Variants in OOSP4A observed in about 807,000 individuals in gnomAD.
OOSP4A encodes the protein oocyte secreted protein family member 4A.
intron 4 of OOSP4A, among the ~76,000 whole-genome samples, chr11:59,969,774 A>G (rs914198019): frequency 6.6e-6 from 1 of 152,192 alleles, no homozygotes; most frequent in Non-Finnish European, 1.5e-5. Context: ...GACCCTCATA[A>G]TTCTAAACTT....
chr11:59,968,300 G>A (rs73493151), intron 3 of OOSP4A, among the ~76,000 whole-genome samples: 1 of 152,154 alleles, frequency 6.6e-6, no homozygotes. Flanking sequence ...TCGAATTATG[G>A]ATGTGTGAGT....
chr11:59,966,339 CAA>C (rs554017860), intron 2 of OOSP4A, among the ~76,000 whole-genome samples: 1 of 141,638 alleles, frequency 7.1e-6, no homozygotes. Context: ...TCTCTAGTCT[CAA>C]AAAAAAAAAG....
intron 3 of OOSP4A, among the ~76,000 whole-genome samples, chr11:59,968,941 A>G (rs1854130343): frequency 6.6e-6 from 1 of 152,194 alleles, no homozygotes; most frequent in Non-Finnish European, 1.5e-5. Context: ...TTTTGGGATA[A>G]TGAAAAGTCG....
chr11:59,964,730 C>T (rs1421633874), intron 1 of OOSP4A, among the ~76,000 whole-genome samples: 1 of 152,110 alleles, frequency 6.6e-6, no homozygotes, highest in Non-Finnish European at 1.5e-5. Context: ...AAATTATCAT[C>T]GGAGTAACTG....
At chr11:59,969,099 C>T (rs1854131745) in intron 3 of OOSP4A, 51 bp from the exon 4 acceptor site, 1 of 397,570 alleles carries the variant, frequency 2.5e-6, no homozygotes, top group South Asian at 1.3e-4. Context: ...TTCTCCACCT[C>T]CAAAAGCATA....
intron 1 of OOSP4A, among the ~76,000 whole-genome samples, chr11:59,965,179 G>A (rs1406885652): frequency 1.3e-5 from 2 of 150,894 alleles, no homozygotes; most frequent in Non-Finnish European, 1.5e-5. Context: ...GATAGCATTA[G>A]GAGATATACC....
chr11:59,968,285 G>A (rs992757509), intron 3 of OOSP4A, among the ~76,000 whole-genome samples: 1 of 152,186 alleles, frequency 6.6e-6, no homozygotes, highest in Non-Finnish European at 1.5e-5. Flanking sequence ...ACCCAGAAGT[G>A]TATCTCGAAT....
chr11:59,966,339 C>CA (rs554017860), intron 2 of OOSP4A, among the ~76,000 whole-genome samples: 99 of 141,568 alleles, frequency 7.0e-4, no homozygotes, highest in Admixed American at 9.9e-4. Context: ...TCTCTAGTCT[C>CA]AAAAAAAAAA....
chr11:59,969,698 C>T (rs1590565552), intron 4 of OOSP4A, among the ~76,000 whole-genome samples: 1 of 152,124 alleles, frequency 6.6e-6, no homozygotes, highest in Non-Finnish European at 1.5e-5. Flanking sequence ...TAAGAATATT[C>T]AAATAGGCTA....
At chr11:59,965,975 T>TG (rs1213332567) in intron 2 of OOSP4A, among the ~76,000 whole-genome samples, 1 of 151,656 alleles carries the variant, frequency 6.6e-6, no homozygotes, top group African/African-American at 2.4e-5. Context: ...GATAGTGTTT[T>TG]TTTTGTTGTT....
At chr11:59,968,872 A>G (rs186304770) in intron 3 of OOSP4A, among the ~76,000 whole-genome samples, 17 of 152,360 alleles carry the variant, frequency 1.1e-4, no homozygotes, top group Admixed American at 9.8e-4. Flanking sequence ...TCAGCCACTT[A>G]TTAAGAGTTC....
At chr11:59,967,724 G>A (rs1854115357) in intron 3 of OOSP4A, among the ~76,000 whole-genome samples, 1 of 151,424 alleles carries the variant, frequency 6.6e-6, no homozygotes, top group African/African-American at 2.4e-5. Context: ...CTCCTTATTG[G>A]AGAAACTTTT....
chr11:59,970,193 A>G, downstream of OOSP4A: 4 of 397,240 alleles, frequency 1.0e-5, no homozygotes, highest in Non-Finnish European at 1.8e-5. Flanking sequence ...AAGTTGGACT[A>G]GTCACTGGAT....
chr11:59,964,720 A>G (rs989415072), intron 1 of OOSP4A, among the ~76,000 whole-genome samples: 1 of 152,170 alleles, frequency 6.6e-6, no homozygotes, highest in Non-Finnish European at 1.5e-5. Context: ...TTGGCAATCA[A>G]AATTATCATC....
intron 3 of OOSP4A, 89 bp from the exon 4 acceptor site, chr11:59,969,056 GTTTAA>G (rs1265733866): frequency 2.5e-6 from 1 of 395,618 alleles, no homozygotes; most frequent in Admixed American, 4.4e-5. Context: ...GAAGAGATCT[GTTTAA>G]TTTAGTTTTT....
chr11:59,967,252 T>C (rs1854110429), intron 3 of OOSP4A, 88 bp downstream of exon 3: 1 of 394,270 alleles, frequency 2.5e-6, no homozygotes, highest in Non-Finnish European at 4.5e-6. Context: ...CTGAACATTA[T>C]GCTAAGGTTG....
intron 3 of OOSP4A, among the ~76,000 whole-genome samples, chr11:59,967,928 T>A (rs1454941850): frequency 6.6e-6 from 1 of 152,134 alleles, no homozygotes; most frequent in Non-Finnish European, 1.5e-5. Context: ...TGGCTATATT[T>A]AACTTACAAC....
intron 2 of OOSP4A, among the ~76,000 whole-genome samples, chr11:59,966,656 A>G (rs578039148): frequency 2.0e-5 from 3 of 152,198 alleles, no homozygotes; most frequent in African/African-American, 7.2e-5. Context: ...TTGTATTTTT[A>G]GTAGAGATGG....
intron 4 of OOSP4A, 137 bp from the exon 5 acceptor site, chr11:59,969,912 A>G (rs1854138047): frequency 2.6e-6 from 1 of 390,408 alleles, no homozygotes; most frequent in Non-Finnish European, 4.5e-6. Flanking sequence ...TTGAATCATT[A>G]GAATATTATA....
Sources: allele counts gnomAD v4.1 joint callset (sites outside exome capture counted in the v4.1 genomes callset), GRCh38; gene constraint gnomAD v4.1.1; transcripts MANE v1.5; gene names NCBI Gene and HGNC (gene_info 2026-07-23, HGNC 2026-07-21).